Variants in TPRG1 observed in about 807,000 individuals in gnomAD.
TPRG1 encodes the protein tumor protein p63-regulated gene 1 protein.
In TPRG1, 29 loss-of-function variants were observed where a neutral mutation model predicts 29.3. The ratio of observed to expected loss-of-function variants is 0.99; its 90% CI spans 0.74 to 1.35. TPRG1 has a LOEUF of 1.35. Among genes scored for constraint, TPRG1 ranks in the 40% most tolerant of loss-of-function variants. TPRG1 has a pLI of 0.00. For synonymous variants in TPRG1, 130 were observed against 116.8 expected (o/e 1.11, Z -0.73); for missense variants, 327 against 335.0 (o/e 0.98, Z 0.19).
chr3:189,034,334 T>C (rs1714124273), intron 4 of TPRG1, among the ~76,000 whole-genome samples: 1 of 152,158 alleles, frequency 6.6e-6, no homozygotes, highest in Non-Finnish European at 1.5e-5. Context: ...ATAAGCTGCA[T>C]TTAAACAAAA....
chr3:189,306,980 TTTAA>T (rs1721727144), intron 4 of TPRG1, among the ~76,000 whole-genome samples: 1 of 152,228 alleles, frequency 6.6e-6, no homozygotes, highest in Admixed American at 6.5e-5. Flanking sequence ...TACTTAGGAC[TTTAA>T]TTAACCCATC....
At chr3:189,177,580 A>G (rs1729657855) in intron 1 of TPRG1, among the ~76,000 whole-genome samples, 1 of 151,960 alleles carries the variant, frequency 6.6e-6, no homozygotes, top group Non-Finnish European at 1.5e-5. Context: ...AGGTAATCAA[A>G]GGAGTTAGTA....
Position 189,128,190 on chromosome 3 carries a change from A to T in TPRG1, c.-590+980A>T, listed in dbSNP as rs143773869. Among the ~76,000 whole-genome samples, 1,087 of 152,298 alleles carry T rather than the reference A, an allele frequency of 7.1e-3. 11 individuals are homozygous for T. The highest frequency in any genetic ancestry group is 0.025 in the African/African-American group (1,051 of 41,558). On this transcript the variant is annotated intron_variant, in intron 2 of 6. Transcript: ENST00000412373. ...CCTGTTTGTCGTGTACTCTTAATGA[A>T]TTCGTTTTGCTAGAGTCTTGTGATA...
chr3:189,269,726 G>A (rs1714747524), intron 4 of TPRG1, among the ~76,000 whole-genome samples: 1 of 152,200 alleles, frequency 6.6e-6, no homozygotes, highest in Non-Finnish European at 1.5e-5. Context: ...GGATTTTTCA[G>A]CGTTTGCTTT....
intron 5 of TPRG1, among the ~76,000 whole-genome samples, chr3:189,159,470 G>A (rs1431725892): frequency 6.6e-6 from 1 of 152,190 alleles, no homozygotes; most frequent in Non-Finnish European, 1.5e-5. Flanking sequence ...TTCTGGAGGA[G>A]CAGGTTGGGA....
chr3:189,118,449 A>G (rs1240225466), intron 1 of TPRG1, among the ~76,000 whole-genome samples: 1 of 152,232 alleles, frequency 6.6e-6, no homozygotes, highest in African/African-American at 2.4e-5. Context: ...AAGTTGTATA[A>G]GTATCAAGGA....
chr3:189,199,257 A>G (rs909864352), intron 1 of TPRG1, among the ~76,000 whole-genome samples: 3 of 152,196 alleles, frequency 2.0e-5, no homozygotes, highest in Admixed American at 6.5e-5. Context: ...AAGAGAACCA[A>G]TTTGCTCAGT....
At chr3:189,275,311 C>T (rs1314351649) in intron 4 of TPRG1, among the ~76,000 whole-genome samples, 1 of 152,148 alleles carries the variant, frequency 6.6e-6, no homozygotes, top group African/African-American at 2.4e-5. Flanking sequence ...CCAAGCAACA[C>T]AGTTCCTGCT....
intron 4 of TPRG1, among the ~76,000 whole-genome samples, chr3:189,092,366 G>A (rs981238044): frequency 6.6e-6 from 1 of 151,956 alleles, no homozygotes; most frequent in African/African-American, 2.4e-5. Flanking sequence ...AAGTATCAAG[G>A]CCCTGGCTAC....
intron 1 of TPRG1, among the ~76,000 whole-genome samples, chr3:189,198,798 A>G (rs541699768): frequency 6.6e-6 from 1 of 152,322 alleles, no homozygotes; most frequent in South Asian, 2.1e-4. Flanking sequence ...ATGCCACGGG[A>G]GTCAAGAACT....
Position 189,253,756 on chromosome 3 carries a change from G to A in TPRG1, c.479+14847G>A, listed in dbSNP as rs192128945. On this transcript the variant is annotated intron_variant, in intron 4 of 5. Coordinates refer to ENST00000345063, the MANE Select transcript of TPRG1 (RefSeq NM_198485.4). ...TTCCTATTTCTCCACATCCTCTCCA[G>A]CATCTGTCGTTTCCTAACTTTTTAA... Among the ~76,000 whole-genome samples the A allele has an allele frequency of 1.3e-3, 203 of 152,256 alleles. 1 individual carries two copies. The highest frequency in any genetic ancestry group is 4.4e-3 in the African/African-American group (183 of 41,544).
At chr3:189,010,587 A>G (rs981611324) in intron 3 of TPRG1, among the ~76,000 whole-genome samples, 1 of 152,104 alleles carries the variant, frequency 6.6e-6, no homozygotes, top group African/African-American at 2.4e-5. Context: ...CTTCTTTTGA[A>G]AAGTGTCTCT....
In TPRG1 at chr3:189,233,166, ATGTGTGTGTG is replaced by A. The variant is rs59388844; in HGVS notation, c.303-5545_303-5536del. On this transcript the variant is annotated intron_variant, in intron 3 of 5. Coordinates refer to ENST00000345063, the MANE Select transcript of TPRG1 (RefSeq NM_198485.4). ...AGGAAGATACCTCTACTGAGTGTGT[ATGTGTGTGTG>A]TGTGTGTGTGTGTGTGTGTGTTTGT... Among the ~76,000 whole-genome samples the A allele has an allele frequency of 1.7e-3, 251 of 148,874 alleles. 1 individual carries two copies. The highest frequency in any genetic ancestry group is 6.2e-3 in the South Asian group (29 of 4,670).
upstream of TPRG1, among the ~76,000 whole-genome samples, chr3:189,096,623 G>A (rs1188959409): frequency 1.3e-5 from 2 of 152,158 alleles, no homozygotes; most frequent in African/African-American, 4.8e-5. Context: ...TTTTGCTTAT[G>A]TTAGTTAGAT....
chr3:189,279,707 G>A (rs573224850), intron 4 of TPRG1, among the ~76,000 whole-genome samples: 3 of 152,148 alleles, frequency 2.0e-5, no homozygotes, highest in East Asian at 3.9e-4. Flanking sequence ...CAGAAACAAA[G>A]GAAAACACCC....
chr3:189,033,559 C>T (rs1322249282), intron 4 of TPRG1, among the ~76,000 whole-genome samples: 1 of 151,690 alleles, frequency 6.6e-6, no homozygotes, highest in African/African-American at 2.4e-5. Flanking sequence ...TAGGTATGAG[C>T]CACTGCACTT....
chr3:189,067,979 T>C (rs765846902), intron 4 of TPRG1, among the ~76,000 whole-genome samples: 2 of 152,054 alleles, frequency 1.3e-5, no homozygotes, highest in Admixed American at 6.5e-5. Context: ...TAGGGAAAAA[T>C]CTAATAATCT....
At chr3:189,172,382 G>T (rs764820452) in intron 1 of TPRG1, among the ~76,000 whole-genome samples, 3 of 152,098 alleles carry the variant, frequency 2.0e-5, no homozygotes, top group Non-Finnish European at 4.4e-5. Context: ...TATTGATTTT[G>T]ATCTTAACTG....
intron 5 of TPRG1, among the ~76,000 whole-genome samples, chr3:189,166,612 T>C (rs1015271687): frequency 6.6e-6 from 1 of 152,248 alleles, no homozygotes; most frequent in East Asian, 1.9e-4. Flanking sequence ...CTAGTATCCC[T>C]GATACTTTCC....
Sources: gnomAD v4.1 joint callset for allele counts (sites outside exome capture counted in the v4.1 genomes callset) on GRCh38, gnomAD v4.1.1 for gene constraint, MANE v1.5 for transcripts, NCBI Gene and HGNC (gene_info 2026-07-23, HGNC 2026-07-21) for gene names.